The following EXD2 variants were observed in gnomAD, a reference collection of about 807,000 sequenced individuals.
EXD2 encodes exonuclease 3'-5' domain-containing protein 2.
A neutral mutation model predicts 62.5 loss-of-function variants in EXD2; 40 were observed. That is an observed-to-expected ratio of 0.64 (90% CI 0.50 to 0.83). The LOEUF is 0.83. Ranked by LOEUF, EXD2 falls within the 40% of genes least tolerant of loss-of-function variation. EXD2 has a pLI of 0.00. For synonymous variants in EXD2, 239 were observed against 291.9 expected, an observed-to-expected ratio of 0.82 and a Z score of 1.85; for missense variants, 671 against 761.8, an observed-to-expected ratio of 0.88 and a Z score of 1.40.
Position 69,237,689 on chromosome 14 carries a change from T to C in EXD2, c.1407T>C (p.Tyr469=). Residue 469 remains tyrosine, a synonymous_variant, in exon 9 of 10, where the codon TAT becomes TAC. Transcript: ENST00000685843. ...CCTGCCATGCCATTTCCAACTACTA[T>C]GACAACCATCTGAAGCAGCAGCTGG... ...CTSCHAISNY[Y]DNHLKQQLAK... is the part of the protein sequence containing the mutation. 1 of 1,614,226 alleles carries C rather than the reference T, an allele frequency of 6.2e-7. No homozygotes were observed. The highest frequency in any genetic ancestry group is 1.3e-5 in the African/African-American group (1 of 75,064).
Position 69,243,308 on chromosome 14 carries a change from A to AG in EXD2, c.*2209dup, listed in dbSNP as rs2044027927. 6.6e-6 allele frequency: 1 copy of AG among 152,248 alleles called. No homozygotes were observed. The highest frequency in any genetic ancestry group is 6.5e-5 in the Admixed American group (1 of 15,284). 9.4% of individuals were successfully genotyped at this position (152,248 alleles called of 1,614,324 possible). A position where few individuals can be genotyped will look rare whatever the true frequency, so the allele number is the denominator to read the frequency against. On this transcript the variant is annotated 3_prime_UTR_variant, in exon 10 of 10. Coordinates refer to ENST00000685843, the MANE Select transcript of EXD2 (RefSeq NM_001193360.2). ...GCTCATTACAGAAGAATCTAAACAA[A>AG]GAATAAAAATTAGCCATCTTCTCTC...
chr14:69,195,229 AAAAG>A (rs200999162), intron 1 of EXD2, among the ~76,000 whole-genome samples: 99,481 of 147,686 alleles, frequency 0.67, 33,921 homozygotes, highest in East Asian at 0.97. Context: ...AAAAAAAAAA[AAAAG>A]AGAGATGAGG....
intron 1 of EXD2, among the ~76,000 whole-genome samples, chr14:69,195,023 C>T (rs372180858): frequency 5.7e-4 from 86 of 152,176 alleles, no homozygotes; most frequent in African/African-American, 2.0e-3. Flanking sequence ...TTGAGACCAG[C>T]CTGACCAACA....
chr14:69,204,808 A>C (rs2042531195), intron 2 of EXD2, among the ~76,000 whole-genome samples: 7 of 152,208 alleles, frequency 4.6e-5, no homozygotes, highest in Admixed American at 4.6e-4. Flanking sequence ...ATTGAATTAG[A>C]GACATTTATC....
chr14:69,214,621 G>A (rs942714947), intron 3 of EXD2, among the ~76,000 whole-genome samples: 3 of 152,128 alleles, frequency 2.0e-5, no homozygotes, highest in South Asian at 2.1e-4. Context: ...GTCAAGAAAC[G>A]TAAGATTGCT....
At chr14:69,218,411 G>A (rs185843502) in intron 3 of EXD2, among the ~76,000 whole-genome samples, 130 of 152,184 alleles carry the variant, frequency 8.5e-4, no homozygotes, top group African/African-American at 2.8e-3. Context: ...TGAGTTCTTT[G>A]TTGATTCTGG....
At chr14:69,218,303 TC>T (rs2043052934) in intron 3 of EXD2, among the ~76,000 whole-genome samples, 1 of 152,252 alleles carries the variant, frequency 6.6e-6, no homozygotes, top group Non-Finnish European at 1.5e-5. Context: ...GAACATTTTT[TC>T]ATGTGTCTTT....
intron 1 of EXD2, among the ~76,000 whole-genome samples, chr14:69,199,698 A>G (rs116159727): frequency 0.013 from 2,015 of 152,210 alleles, 41 homozygotes; most frequent in African/African-American, 0.047. Context: ...AGGATCATCA[A>G]TATCACTGTC....
rs1304018618 is a variant in EXD2, at chr14:69,209,538, T to TGG, written c.68_69insGG (p.Leu24AlafsTer17). On this transcript the variant is annotated frameshift_variant, in exon 3 of 10. Transcript: ENST00000685843. LOFTEE classifies it high-confidence loss of function. ...CTGGGTGTGGCTGTAGGGGGGTTTG[T>TGG]CCTCTGGAAAGGCATCCAGCGCCGC... 6.4e-7 allele frequency: 1 copy of TGG among 1,550,604 alleles called. No homozygotes were observed.
intron 3 of EXD2, among the ~76,000 whole-genome samples, chr14:69,210,764 C>A (rs534097755): frequency 6.6e-6 from 1 of 151,966 alleles, no homozygotes; most frequent in African/African-American, 2.4e-5. Context: ...GAGCTATGAA[C>A]ACACCACTGC....
chr14:69,235,709 C>T (rs1285464697), intron 6 of EXD2: 8 of 331,202 alleles, frequency 2.4e-5, no homozygotes, highest in Non-Finnish European at 4.0e-5. Flanking sequence ...TTTTAATGTA[C>T]TTTGTTTAAT....
rs139009014 is a variant in EXD2 at position 69,198,137 on chromosome 14, T to C, written c.-131-5780T>C. The stretch of plus-strand genomic sequence containing the variant: ...GTGGTTTTTTTATGTAGTTTTAAAA[T>C]AGTATACAGGTATATTGCTATTATG... On this transcript the variant is annotated intron_variant, in intron 1 of 9. Transcript: ENST00000685843. Among the ~76,000 whole-genome samples the C allele has an allele frequency of 6.8e-3, 1,035 of 152,372 alleles. 12 individuals are homozygous for C. Among genetic ancestry groups the C allele is most frequent in the African/African-American group, 0.024 (990 of 41,594 alleles).
chr14:69,201,672 G>GTTTTTTGTTTTTTTTTT lies in EXD2; in HGVS notation c.-131-2239_-131-2238insGTTTTTTTTTTTTTTTT, dbSNP rs2042402768. On this transcript the variant is annotated intron_variant, in intron 1 of 9. Coordinates refer to ENST00000685843, the MANE Select transcript of EXD2 (RefSeq NM_001193360.2). Reference sequence around the variant, plus strand: ...GTCTCTCTCAGCAAGTGTTTTCTCTGTTTTTTTTTTTTTTTTTTTTTTTTT... The same window carrying GTTTTTTGTTTTTTTTTT: ...GTCTCTCTCAGCAAGTGTTTTCTCTGTTTTTTGTTTTTTTTTTTTTTTTTTTTTTTTTTTTTTTTTTT... Among the ~76,000 whole-genome samples, 139 of 59,040 alleles carry GTTTTTTGTTTTTTTTTT rather than the reference G, an allele frequency of 2.4e-3. 5 individuals are homozygous for GTTTTTTGTTTTTTTTTT. The highest frequency in any genetic ancestry group is 9.2e-3 in the African/African-American group (135 of 14,728). The allele number at this position is 59,040 out of a possible 152,430, so 38.7% of individuals were successfully genotyped here.
chr14:69,233,274 A>C (rs2043649392), intron 5 of EXD2, among the ~76,000 whole-genome samples: 1 of 152,204 alleles, frequency 6.6e-6, no homozygotes, highest in Admixed American at 6.5e-5. Context: ...TTACTCTAAA[A>C]GTATAAATGA....
intron 3 of EXD2, among the ~76,000 whole-genome samples, chr14:69,227,368 C>T (rs1178357544): frequency 6.6e-6 from 1 of 152,200 alleles, no homozygotes; most frequent in Non-Finnish European, 1.5e-5. Context: ...CAAACTGATT[C>T]ACCTATATTC....
intron 1 of EXD2, among the ~76,000 whole-genome samples, chr14:69,202,000 AC>A (rs2042424324): frequency 6.6e-6 from 1 of 151,824 alleles, no homozygotes; most frequent in Non-Finnish European, 1.5e-5. Context: ...TCTTAATAAT[AC>A]CCCAACTCGG....
At chr14:69,209,318 G>C in intron 2 of EXD2, 106 bp from the exon 3 acceptor site, 1 of 526,644 alleles carries the variant, frequency 1.9e-6, no homozygotes. Context: ...AGTTGTTTTA[G>C]TTTGTGGGCA....
In EXD2 at chr14:69,230,603, T is replaced by C; in HGVS notation, c.717+5T>C. Reference sequence around the variant, plus strand: ...GAGACTCTCACAGAGGACCAGGTACTTCTTATCAGAGTAGTTGAAGAATGG... The same window carrying C: ...GAGACTCTCACAGAGGACCAGGTACCTCTTATCAGAGTAGTTGAAGAATGG... On this transcript the variant is annotated splice_donor_5th_base_variant and intron_variant, in intron 5 of 9. Transcript: ENST00000685843. 6.3e-7 allele frequency: 1 copy of C among 1,598,580 alleles called. No individual in the cohort carries two copies. The highest frequency in any genetic ancestry group is 1.4e-5 in the African/African-American group (1 of 73,918).
Position 69,242,935 on chromosome 14 carries a change from G to C in EXD2, c.*1835G>C, listed in dbSNP as rs2044017352. 1 of 152,166 alleles carries C rather than the reference G, an allele frequency of 6.6e-6. No homozygotes were observed. Among genetic ancestry groups the C allele is most frequent in the Admixed American group, 6.5e-5 (1 of 15,280 alleles). The allele number at this position is 152,166 out of a possible 1,614,324, so 9.4% of individuals were successfully genotyped here. A position where few individuals can be genotyped will look rare whatever the true frequency, so the allele number is the denominator to read the frequency against. ...AGAAAAATTTTTCCTTTGAAACAAG[G>C]GAGTAGGGCTGTTTCATTTTCTTTC... On this transcript the variant is annotated 3_prime_UTR_variant, in exon 10 of 10. Coordinates refer to ENST00000685843, the MANE Select transcript of EXD2 (RefSeq NM_001193360.2).
Sources: allele counts gnomAD v4.1 joint callset (sites outside exome capture counted in the v4.1 genomes callset), GRCh38; gene constraint gnomAD v4.1.1; transcripts MANE v1.5; gene names NCBI Gene and HGNC (gene_info 2026-07-23, HGNC 2026-07-21).